MFSD12: variants seen among roughly 807,000 people sequenced by gnomAD.
The protein encoded by MFSD12 is major facilitator superfamily domain containing 12.
In MFSD12, 67 loss-of-function variants were observed where a neutral mutation model predicts 51.2. The observed-to-expected ratio is 1.31, with a 90% CI of 1.08 to 1.60. The LOEUF is 1.60. MFSD12 is among the 40% of genes most tolerant of loss of function. The probability of loss-of-function intolerance (pLI) is 0.00; values close to 1 mark genes in which losing one functional copy is unlikely to be tolerated. For synonymous variants in MFSD12, 441 were observed against 316.7 expected (o/e 1.39, Z -4.17); for missense variants, 921 against 673.0 (o/e 1.37, Z -4.08).
chr19:3,544,194 C>A, downstream of MFSD12: 2 of 1,367,154 alleles, frequency 1.5e-6, no homozygotes, highest in South Asian at 1.9e-5. Flanking sequence ...AGACAGGAGC[C>A]AGGCTGCCGT....
chr19:3,551,301 C>T lies in MFSD12; in HGVS notation c.299-107G>A, dbSNP rs775951158. 18 of 878,664 alleles carry T rather than the reference C, an allele frequency of 2.0e-5. No homozygotes were observed. Among genetic ancestry groups the T allele is most frequent in the South Asian group, 5.3e-5 (3 of 56,968 alleles). The allele number at this position is 878,664 out of a possible 1,614,324, so 54.4% of individuals were successfully genotyped here. On this transcript the variant is annotated intron_variant, in intron 1 of 9. Coordinates refer to ENST00000355415, the MANE Select transcript of MFSD12 (RefSeq NM_174983.5). The surrounding 1 kb of genome is among the most constrained non-coding windows in gnomAD (Gnocchi z 4.6). ...AGGGAAACTGAGGCACAGATGGAGA[C>T]GCCCCCCGCATGCACACAGTCACGC...
At position 3,546,412 on chromosome 19, in the gene MFSD12, G is replaced by GAGA. The variant is rs1413607821; in HGVS notation, c.1034_1036dup (p.Phe345dup). ...AAAGGCCAGGATCACCAGGAGGCCT[G>GAGA]AGAAGTAGGTCATCTGCAGGGACAG... On this transcript the variant is annotated inframe_insertion, in exon 7 of 10. Coordinates refer to ENST00000355415, the MANE Select transcript of MFSD12 (RefSeq NM_174983.5). The GAGA allele has an allele frequency of 6.2e-7, 1 of 1,606,334 alleles. No homozygotes were observed. Among genetic ancestry groups the GAGA allele is most frequent in the South Asian group, 1.1e-5 (1 of 89,964 alleles).
downstream of MFSD12, chr19:3,539,752 C>T (rs900041918): frequency 2.0e-4 from 32 of 160,036 alleles, no homozygotes; most frequent in African/African-American, 7.4e-4. Context: ...CATCCTAACA[C>T]GGGGTGACCT....
chr19:3,542,834 ACTT>A (rs745969359), downstream of MFSD12: 46 of 1,375,570 alleles, frequency 3.3e-5, no homozygotes, highest in African/African-American at 5.7e-4. Flanking sequence ...GCCCCAGACC[ACTT>A]CTTCCTGGTG....
chr19:3,538,867 G>C, intron 4 of MFSD12: 1 of 599,134 alleles, frequency 1.7e-6, no homozygotes. Flanking sequence ...CGAAGGGGCA[G>C]GGGGAGACAG....
In MFSD12 at chr19:3,548,149, C is replaced by T. The variant is rs1442603401; in HGVS notation, c.628G>A (p.Gly210Arg). ...TQDISISDQL[G>R]GQDVPVFRNL... ...CGGAACACGGGCACGTCCTGGCCCCCCAGCTGGTCGCTGATGCTGATGTCT... is the reference window on the plus strand; with the variant it reads ...CGGAACACGGGCACGTCCTGGCCCCTCAGCTGGTCGCTGATGCTGATGTCT... The change falls in exon 3 of 10, where the codon GGG (glycine) becomes AGG (arginine). Residue 210 changes from glycine (G) to arginine (R), a missense_variant. By Grantham distance (125) the Gly-to-Arg change is moderately radical (BLOSUM62 -2). Transcript: ENST00000355415. The T allele has an allele frequency of 4.4e-6, 7 of 1,605,678 alleles. No homozygotes were observed. In the South Asian group the frequency reaches 7.7e-5, roughly 18 times the overall value.
intron 8 of MFSD12, among the ~76,000 whole-genome samples, chr19:3,545,862 G>A (rs1282993085): frequency 5.9e-5 from 9 of 152,176 alleles, no homozygotes; most frequent in Admixed American, 2.0e-4. Flanking sequence ...GGTGTCTTCA[G>A]CACTGCACAC....
downstream of MFSD12, chr19:3,541,556 C>T (rs1032413747): frequency 8.8e-6 from 5 of 569,596 alleles, no homozygotes; most frequent in East Asian, 7.0e-4. Flanking sequence ...CTCCTGACCT[C>T]ATGATCCGCC....
At chr19:3,553,700 G>T (rs1392304882) in intron 1 of MFSD12, among the ~76,000 whole-genome samples, 5 of 136,164 alleles carry the variant, frequency 3.7e-5, no homozygotes, top group Non-Finnish European at 7.6e-5. Context: ...AATCCGGGAG[G>T]CAGAGCTTGC....
chr19:3,542,473 CTCTTG>C (rs2030496337), downstream of MFSD12: 49 of 984,690 alleles, frequency 5.0e-5, no homozygotes, highest in African/African-American at 8.7e-5. Context: ...ATCTTTGAGT[CTCTTG>C]TCTTTTTGTT....
chr19:3,547,255 G>C lies in MFSD12; in HGVS notation c.1023+17C>G, dbSNP rs201470615. The C allele has an allele frequency of 7.0e-5, 112 of 1,607,868 alleles. No homozygotes were observed. The highest frequency in any genetic ancestry group is 3.5e-4 in the Admixed American group (21 of 60,008). On this transcript the variant is annotated intron_variant, in intron 6 of 9. Transcript: ENST00000355415. The stretch of plus-strand genomic sequence containing the variant: ...CCCATCCTCCGCCCCAGCTGTCCCC[G>C]GTCCCCGCCCACTCACGTTCCTCCC...
chr19:3,546,229 C>A (rs371429788), intron 7 of MFSD12, 26 bp downstream of exon 7: 37 of 1,606,500 alleles, frequency 2.3e-5, no homozygotes, highest in South Asian at 5.5e-5. Context: ...CGGCCTCCCC[C>A]ACCCCAGCCT....
chr19:3,541,715 T>C, downstream of MFSD12: 1 of 985,280 alleles, frequency 1.0e-6, no homozygotes, highest in Non-Finnish European at 1.2e-6. Flanking sequence ...TACCACCTGC[T>C]CCTGGGAGGA....
At chr19:3,547,747 G>A (rs1333680238) in intron 4 of MFSD12, 101 bp downstream of exon 4, 16 of 1,374,778 alleles carry the variant, frequency 1.2e-5, no homozygotes, top group Non-Finnish European at 1.4e-5. Context: ...CTGCACCAGG[G>A]GCCACGTGTG....
In MFSD12 at chr19:3,547,887, C is replaced by CAGCAGGGGCTGGGCCGT; in HGVS notation, c.781_797dup (p.Leu267ArgfsTer25). 1 of 1,550,900 alleles carries CAGCAGGGGCTGGGCCGT rather than the reference C, an allele frequency of 6.4e-7. No individual in the cohort carries two copies. The highest frequency in any genetic ancestry group is 8.6e-7 in the Non-Finnish European group (1 of 1,157,064). On this transcript the variant is annotated frameshift_variant, in exon 4 of 10. Transcript: ENST00000355415. LOFTEE classifies it high-confidence loss of function. ...GCTCCCGGAGCCAGTGCTTCCAGAG[C>CAGCAGGGGCTGGGCCGT]AGCAGGGGCTGGGCCGTGGCAGGGG...
Position 3,548,245 on chromosome 19 carries a change from T to C in MFSD12, c.532A>G (p.Asn178Asp). ...ALRYAFTVVANITVYGAAWLL... is the reference protein window; with the variant it reads ...ALRYAFTVVADITVYGAAWLL... ...CAGGCGGCGCCGTAGACGGTGATGT[T>C]GGCCACCACGGTGAACGCATACCTG... The change falls in exon 3 of 10, where the codon AAC becomes GAC. Residue 178 changes from asparagine (N) to aspartate (D), a missense_variant. By Grantham distance (23) the Asn-to-Asp change is conservative (BLOSUM62 1). Coordinates refer to ENST00000355415, the MANE Select transcript of MFSD12 (RefSeq NM_174983.5). The C allele has an allele frequency of 1.9e-6, 3 of 1,550,628 alleles. No individual in the cohort carries two copies. Among genetic ancestry groups the C allele is most frequent in the African/African-American group, 1.4e-5 (1 of 73,252 alleles).
rs768336496 is a variant in MFSD12 at position 3,544,268 on chromosome 19, G to C, written c.*442C>G. 1.5e-6 allele frequency: 2 copies of C among 1,310,796 alleles called. No homozygotes were observed. Among genetic ancestry groups the C allele is most frequent in the East Asian group, 3.0e-5 (1 of 33,630 alleles). The allele number at this position is 1,310,796 out of a possible 1,614,324, so 81.2% of individuals were successfully genotyped here. The stretch of plus-strand genomic sequence containing the variant: ...GCCGGGCAGCCCTGCTGCCCACCAC[G>C]GTGGGGTCCAGGCCCAGCCCACCAC... On this transcript the variant is annotated 3_prime_UTR_variant, in exon 10 of 10. Coordinates refer to ENST00000355415, the MANE Select transcript of MFSD12 (RefSeq NM_174983.5).
chr19:3,556,136 C>T (rs80297574), intron 1 of MFSD12, among the ~76,000 whole-genome samples: 6 of 152,232 alleles, frequency 3.9e-5, no homozygotes, highest in South Asian at 2.1e-4. Context: ...TCTCAACTCC[C>T]GGAGCAGCAC....
At chr19:3,547,770 A>C in intron 4 of MFSD12, 78 bp downstream of exon 4, 4 of 1,426,686 alleles carry the variant, frequency 2.8e-6, no homozygotes, top group South Asian at 1.5e-5. Context: ...CTGCGTCTGG[A>C]CGCAGCTGCC....
Sources: gnomAD v4.1 joint callset for allele counts (sites outside exome capture counted in the v4.1 genomes callset) on GRCh38, gnomAD v4.1.1 for gene constraint, Gnocchi (gnomAD v3.1) non-coding constraint, MANE v1.5 for transcripts, NCBI Gene and HGNC (gene_info 2026-07-23, HGNC 2026-07-21) for gene names.